Variants in ZNF703 observed in about 807,000 individuals in gnomAD.
The protein encoded by ZNF703 is NocA-like zinc finger 1.
In ZNF703, 18 loss-of-function variants were observed where a neutral mutation model predicts 30.7. The ratio of observed to expected loss-of-function variants is 0.59; its 90% CI spans 0.40 to 0.87. ZNF703 has a LOEUF of 0.87. ZNF703 is among the 40% of genes least tolerant of loss of function. The pLI, the probability that ZNF703 is intolerant of heterozygous loss-of-function variation, is 0.00. For synonymous variants in ZNF703, 457 were observed against 438.6 expected, an observed-to-expected ratio of 1.04 and a Z score of -0.52; for missense variants, 814 against 847.8, an observed-to-expected ratio of 0.96 and a Z score of 0.50.
chr8:37,696,132 G>A lies in ZNF703; in HGVS notation c.153G>A (p.Arg51=). 7 of 1,611,390 alleles carry A rather than the reference G, an allele frequency of 4.3e-6. No individual in the cohort carries two copies. Among genetic ancestry groups the A allele is most frequent in the South Asian group, 1.1e-5 (1 of 90,834 alleles). ...PLRQANRLPI[R]VLKMLSAHTG... is the part of the protein sequence containing the mutation. ...GCCAGGCGAACCGGCTCCCGATCAG[G>A]GTCCTGAAGATGCTGAGCGCTCACA... The change falls in exon 1 of 2, where the codon AGG becomes AGA. Residue 51 remains arginine, a synonymous_variant. Transcript: ENST00000331569. The surrounding 1 kb of genome is among the most constrained non-coding windows in gnomAD (Gnocchi z 8.2).
rs1175756022 is a variant in ZNF703, at chr8:37,698,134, G to T, written c.1233G>T (p.Ala411=). The T allele has an allele frequency of 1.3e-5, 19 of 1,492,720 alleles. No individual in the cohort carries two copies. The highest frequency in any genetic ancestry group is 1.5e-5 in the Non-Finnish European group (17 of 1,114,444). 92.5% of individuals were successfully genotyped at this position (1,492,720 alleles called of 1,614,324 possible). The change falls in exon 2 of 2, where the codon GCG becomes GCT. Residue 411 remains alanine, a synonymous_variant. Coordinates refer to ENST00000331569, the MANE Select transcript of ZNF703 (RefSeq NM_025069.3). ...ACCCTGCCGGGCCCAGCCTGAAGGCGGGGGGCTACCCGCTGGTGTACCCCG... is the reference window on the plus strand; with the variant it reads ...ACCCTGCCGGGCCCAGCCTGAAGGCTGGGGGCTACCCGCTGGTGTACCCCG... ...AHDPAGPSLK[A]GGYPLVYPGH... is the part of the protein sequence containing the mutation.
In ZNF703 at chr8:37,696,562, C is replaced by A. The variant is rs923286956; in HGVS notation, c.243+340C>A. Among the ~76,000 whole-genome samples, 2 of 152,146 alleles carry A rather than the reference C, an allele frequency of 1.3e-5. No individual in the cohort carries two copies. The highest frequency in any genetic ancestry group is 2.9e-5 in the Non-Finnish European group (2 of 68,020). On this transcript the variant is annotated intron_variant, in intron 1 of 1. Transcript: ENST00000331569. This position sits in a 1 kb window ranked among gnomAD's most constrained non-coding sequence, Gnocchi z 8.2. ...TCTGCTGGGTCTTCCCCGCCCCCCACGCCGGGCTGTTTTCTTTGAAGCCCT... is the reference window on the plus strand; with the variant it reads ...TCTGCTGGGTCTTCCCCGCCCCCCAAGCCGGGCTGTTTTCTTTGAAGCCCT...
Position 37,695,884 on chromosome 8 carries a change from G to C in ZNF703, c.-96G>C. 1 of 1,198,412 alleles carries C rather than the reference G, an allele frequency of 8.3e-7. No individual in the cohort carries two copies. The highest frequency in any genetic ancestry group is 1.1e-6 in the Non-Finnish European group (1 of 911,764). The allele number at this position is 1,198,412 out of a possible 1,614,324, so 74.2% of individuals were successfully genotyped here. On this transcript the variant is annotated 5_prime_UTR_variant, in exon 1 of 2. Transcript: ENST00000331569. ...GGAGGCGCAGCTCCCGCTGCACCGC[G>C]ATCGACGCTGCGGAGCGAGCCCACC...
In ZNF703 at chr8:37,698,624, G is replaced by C. The variant is rs775245530; in HGVS notation, c.1723G>C (p.Ala575Pro). ...AGCCGGACCCTACTATTCGCCATACGCGCTGTATGGACAGAGACTAGCTTC... is the reference window on the plus strand; with the variant it reads ...AGCCGGACCCTACTATTCGCCATACCCGCTGTATGGACAGAGACTAGCTTC... Reference protein sequence around the residue: ...PTAGPYYSPYALYGQRLASAS... With the variant: ...PTAGPYYSPYPLYGQRLASAS... The change falls in exon 2 of 2, where the codon GCG becomes CCG. Residue 575 changes from alanine (A) to proline (P), a missense_variant. Coordinates refer to ENST00000331569, the MANE Select transcript of ZNF703 (RefSeq NM_025069.3). The C allele has an allele frequency of 6.5e-7, 1 of 1,538,692 alleles. No homozygotes were observed. Among genetic ancestry groups the C allele is most frequent in the Non-Finnish European group, 8.7e-7 (1 of 1,145,932 alleles).
Position 37,695,887 on chromosome 8 carries a change from C to A in ZNF703, c.-93C>A. 1 of 1,213,128 alleles carries A rather than the reference C, an allele frequency of 8.2e-7. No individual in the cohort carries two copies. Among genetic ancestry groups the A allele is most frequent in the Non-Finnish European group, 1.1e-6 (1 of 924,940 alleles). 75.1% of individuals were successfully genotyped at this position (1,213,128 alleles called of 1,614,324 possible). A position where few individuals can be genotyped will look rare whatever the true frequency, so the allele number is the denominator to read the frequency against. On this transcript the variant is annotated 5_prime_UTR_variant, in exon 1 of 2. Coordinates refer to ENST00000331569, the MANE Select transcript of ZNF703 (RefSeq NM_025069.3). ...GGCGCAGCTCCCGCTGCACCGCGAT[C>A]GACGCTGCGGAGCGAGCCCACCCGC...
chr8:37,698,619 C>T lies in ZNF703; in HGVS notation c.1718C>T (p.Pro573Leu). Reference sequence around the variant, plus strand: ...CCCACAGCCGGACCCTACTATTCGCCATACGCGCTGTATGGACAGAGACTA... The same window carrying T: ...CCCACAGCCGGACCCTACTATTCGCTATACGCGCTGTATGGACAGAGACTA... Reference protein sequence around the residue: ...SLPTAGPYYSPYALYGQRLAS... With the variant: ...SLPTAGPYYSLYALYGQRLAS... Residue 573 changes from proline to leucine, a missense_variant, in exon 2 of 2, where the codon CCA (proline) becomes CTA (leucine). Pro to Leu is a moderately conservative substitution (Grantham distance 98). Coordinates refer to ENST00000331569, the MANE Select transcript of ZNF703 (RefSeq NM_025069.3). The T allele has an allele frequency of 1.3e-6, 2 of 1,545,938 alleles. No individual in the cohort carries two copies. Among genetic ancestry groups the T allele is most frequent in the Non-Finnish European group, 1.7e-6 (2 of 1,149,620 alleles).
In ZNF703 at chr8:37,697,334, G is replaced by C. The variant is rs1286261409; in HGVS notation, c.433G>C (p.Asp145His). ...SAAAALKQLGDSPAEDKSSFK... is the reference protein window; with the variant it reads ...SAAAALKQLGHSPAEDKSSFK... ...AGCCGCGGCCCTGAAGCAGCTGGGG[G>C]ACTCACCGGCCGAGGACAAGTCCAG... The change falls in exon 2 of 2, where the codon GAC (aspartate) becomes CAC (histidine). Residue 145 changes from aspartate (D) to histidine (H), a missense_variant. Coordinates refer to ENST00000331569, the MANE Select transcript of ZNF703 (RefSeq NM_025069.3). 1 of 1,559,016 alleles carries C rather than the reference G, an allele frequency of 6.4e-7. No individual in the cohort carries two copies. The highest frequency in any genetic ancestry group is 8.7e-7 in the Non-Finnish European group (1 of 1,153,680).
Position 37,697,458 on chromosome 8 carries a change from C to T in ZNF703, c.557C>T (p.Pro186Leu), listed in dbSNP as rs1217577576. 1.9e-6 allele frequency: 3 copies of T among 1,540,746 alleles called. No homozygotes were observed. The highest frequency in any genetic ancestry group is 2.5e-5 in the East Asian group (1 of 39,840). The part of the protein sequence containing the change: ...SSTSSSSSSS[P>L]GDKAGFRVPS... ...ACCTCCTCCTCGTCCTCCTCGTCCCCGGGAGACAAGGCGGGCTTCAGGGTC... is the reference window on the plus strand; with the variant it reads ...ACCTCCTCCTCGTCCTCCTCGTCCCTGGGAGACAAGGCGGGCTTCAGGGTC... The change falls in exon 2 of 2, where the codon CCG becomes CTG. Residue 186 changes from proline to leucine, a missense_variant. Coordinates refer to ENST00000331569, the MANE Select transcript of ZNF703 (RefSeq NM_025069.3).
At chr8:37,697,068 T>C in intron 1 of ZNF703, 77 bp from the exon 2 acceptor site, 1 of 1,382,394 alleles carries the variant, frequency 7.2e-7, no homozygotes, top group Non-Finnish European at 9.4e-7. Context: ...GCCGCCCAGC[T>C]CCCCGGGCGC....
Position 37,697,974 on chromosome 8 carries a change from C to T in ZNF703, c.1073C>T (p.Pro358Leu). Residue 358 changes from proline (P) to leucine (L), a missense_variant, in exon 2 of 2, where the codon CCC becomes CTC. By Grantham distance (98) the Pro-to-Leu change is moderately conservative (BLOSUM62 -3). Transcript: ENST00000331569. Reference sequence around the variant, plus strand: ...CTGGGCCTGCCGCCGGGCAAGCCCCCCAGCTCCAGCCCGCTCACCGGGGCC... The same window carrying T: ...CTGGGCCTGCCGCCGGGCAAGCCCCTCAGCTCCAGCCCGCTCACCGGGGCC... Reference protein sequence around the residue: ...GGLGLPPGKPPSSSPLTGASP... With the variant: ...GGLGLPPGKPLSSSPLTGASP... The T allele has an allele frequency of 6.4e-7, 1 of 1,559,774 alleles. No individual in the cohort carries two copies. Among genetic ancestry groups the T allele is most frequent in the Non-Finnish European group, 8.6e-7 (1 of 1,159,534 alleles).
rs1161134935 is a variant in ZNF703 at position 37,698,810 on chromosome 8, G to A, written c.*136G>A. The A allele has an allele frequency of 5.9e-6, 4 of 683,494 alleles. No individual in the cohort carries two copies. The Admixed American group carries it at 1.3e-4, about 22-fold the overall frequency. 42.3% of individuals were successfully genotyped at this position (683,494 alleles called of 1,614,324 possible). On this transcript the variant is annotated 3_prime_UTR_variant, in exon 2 of 2. Coordinates refer to ENST00000331569, the MANE Select transcript of ZNF703 (RefSeq NM_025069.3). Reference sequence around the variant, plus strand: ...TTCCCCACCCAGCCCTTCCCCACCGGACTGTGTATTTATTTACTATAATGT... The same window carrying A: ...TTCCCCACCCAGCCCTTCCCCACCGAACTGTGTATTTATTTACTATAATGT...
In ZNF703 at chr8:37,698,554, C is replaced by T. The variant is rs758935272; in HGVS notation, c.1653C>T (p.Ser551=). ...GCCGGTACCACCCCTATGGCAAGAG[C>T]CACTTATCCACAGCGGGGGGCCTGG... is the stretch of plus-strand genomic sequence containing the variant. The part of the protein sequence containing the change: ...GLSRYHPYGK[S]HLSTAGGLAV... The change falls in exon 2 of 2, where the codon AGC becomes AGT. Residue 551 remains serine, a synonymous_variant. Coordinates refer to ENST00000331569, the MANE Select transcript of ZNF703 (RefSeq NM_025069.3). The T allele has an allele frequency of 2.5e-5, 40 of 1,571,428 alleles. No homozygotes were observed. The highest frequency in any genetic ancestry group is 3.3e-5 in the Non-Finnish European group (38 of 1,161,872).
Position 37,698,469 on chromosome 8 carries a change from C to A in ZNF703, c.1568C>A (p.Pro523His). 1 of 1,508,556 alleles carries A rather than the reference C, an allele frequency of 6.6e-7. No homozygotes were observed. The highest frequency in any genetic ancestry group is 8.8e-7 in the Non-Finnish European group (1 of 1,131,454). The allele number at this position is 1,508,556 out of a possible 1,614,324, so 93.4% of individuals were successfully genotyped here. ...TCCTGCCATCTGCACCTCCCCCCGC[C>A]CGCCGCCCCCGGCAGCCCCGGGTCG... ...AASCHLHLPP[P>H]AAPGSPGSLS... The change falls in exon 2 of 2, where the codon CCC becomes CAC. Residue 523 changes from proline to histidine, a missense_variant. Physicochemically the swap from Pro to His is moderately conservative, Grantham distance 77. Transcript: ENST00000331569.
chr8:37,697,093 C>A, intron 1 of ZNF703, 52 bp from the exon 2 acceptor site: 1 of 1,447,750 alleles, frequency 6.9e-7, no homozygotes, highest in Non-Finnish European at 9.0e-7. Context: ...GCTCGCCCCG[C>A]AGGCCTCTGA....
In ZNF703 at chr8:37,698,341, C is replaced by T; in HGVS notation, c.1440C>T (p.His480=). Reference sequence around the variant, plus strand: ...CCACCTCGGAGGAGCTGCTCAGCCACCTACGGACCCACACGGCCCTGCCGG... The same window carrying T: ...CCACCTCGGAGGAGCTGCTCAGCCATCTACGGACCCACACGGCCCTGCCGG... ...RFATSEELLS[H]LRTHTALPGA... is the part of the protein sequence containing the mutation. The change falls in exon 2 of 2, where the codon CAC becomes CAT. Residue 480 remains histidine (H), a synonymous_variant. Coordinates refer to ENST00000331569, the MANE Select transcript of ZNF703 (RefSeq NM_025069.3). 6.5e-7 allele frequency: 1 copy of T among 1,539,314 alleles called. No individual in the cohort carries two copies. Among genetic ancestry groups the T allele is most frequent in the East Asian group, 2.5e-5 (1 of 39,784 alleles).
Position 37,697,549 on chromosome 8 carries a change from G to T in ZNF703, c.648G>T (p.Ser216=), listed in dbSNP as rs778845980. Residue 216 remains serine (S), a synonymous_variant, in exon 2 of 2, where the codon TCG becomes TCT. Transcript: ENST00000331569. ...GAPVSASSSS[S]SPGGSRGGSP... is the part of the protein sequence containing the mutation. ...CGGTCTCCGCATCCTCGTCCTCGTC[G>T]TCGCCCGGCGGCTCCCGCGGCGGCT... 6.8e-7 allele frequency: 1 copy of T among 1,465,752 alleles called. No individual in the cohort carries two copies. The highest frequency in any genetic ancestry group is 2.5e-5 in the Admixed American group (1 of 39,504). 90.8% of individuals were successfully genotyped at this position (1,465,752 alleles called of 1,614,324 possible). A position where few individuals can be genotyped will look rare whatever the true frequency, so the allele number is the denominator to read the frequency against.
chr8:37,696,253 G>T lies in ZNF703; in HGVS notation c.243+31G>T, dbSNP rs542264280. 3 of 1,549,484 alleles carry T rather than the reference G, an allele frequency of 1.9e-6. No individual in the cohort carries two copies. The highest frequency in any genetic ancestry group is 2.6e-6 in the Non-Finnish European group (3 of 1,145,762). On this transcript the variant is annotated intron_variant, in intron 1 of 1. Coordinates refer to ENST00000331569, the MANE Select transcript of ZNF703 (RefSeq NM_025069.3). This position sits in a 1 kb window ranked among gnomAD's most constrained non-coding sequence, Gnocchi z 8.2. Reference sequence around the variant, plus strand: ...TCCCCGGCCGCTGCCCCCGGGCGCCGGCCCCATTCCTCCCACCGCGACCGG... The same window carrying T: ...TCCCCGGCCGCTGCCCCCGGGCGCCTGCCCCATTCCTCCCACCGCGACCGG...
Position 37,699,972 on chromosome 8 carries a change from C to T in ZNF703, c.*1298C>T. The T allele has an allele frequency of 6.6e-6, 1 of 152,334 alleles. No homozygotes were observed. Among genetic ancestry groups the T allele is most frequent in the African/African-American group, 2.4e-5 (1 of 41,562 alleles). 9.4% of individuals were successfully genotyped at this position (152,334 alleles called of 1,614,324 possible). A position where few individuals can be genotyped will look rare whatever the true frequency, so the allele number is the denominator to read the frequency against. On this transcript the variant is annotated 3_prime_UTR_variant, in exon 2 of 2. Transcript: ENST00000331569. ...CTGTTTGGGACGAACAGAGCTCTCCCTTGGTAAGACTTATTTTGTTAATAA... is the reference window on the plus strand; with the variant it reads ...CTGTTTGGGACGAACAGAGCTCTCCTTTGGTAAGACTTATTTTGTTAATAA...
rs974399085 is a variant in ZNF703 at position 37,698,441 on chromosome 8, G to C, written c.1540G>C (p.Ala514Pro). ...GSAAAAAAAA[A>P]SCHLHLPPPA... ...CGCCGCCGCCGCCGCCGCCGCCGCC[G>C]CCTCCTGCCATCTGCACCTCCCCCC... The change falls in exon 2 of 2, where the codon GCC (alanine) becomes CCC (proline). Residue 514 changes from alanine to proline, a missense_variant. Ala to Pro is a conservative substitution (Grantham distance 27, BLOSUM62 -1). Coordinates refer to ENST00000331569, the MANE Select transcript of ZNF703 (RefSeq NM_025069.3). The C allele has an allele frequency of 3.4e-6, 5 of 1,478,358 alleles. No individual in the cohort carries two copies. The highest frequency in any genetic ancestry group is 3.6e-6 in the Non-Finnish European group (4 of 1,117,698). 91.6% of individuals were successfully genotyped at this position (1,478,358 alleles called of 1,614,324 possible).
Sources: allele counts gnomAD v4.1 joint callset (sites outside exome capture counted in the v4.1 genomes callset), GRCh38; gene constraint gnomAD v4.1.1; non-coding constraint Gnocchi (gnomAD v3.1); transcripts MANE v1.5; gene names NCBI Gene and HGNC (gene_info 2026-07-23, HGNC 2026-07-21).